Variants in CSMD1 observed in about 807,000 individuals in gnomAD.
The protein encoded by CSMD1 is CUB and Sushi multiple domains 1.
Under a neutral mutation model 417.5 loss-of-function variants are expected in CSMD1, and 213 were observed. The ratio of observed to expected loss-of-function variants is 0.51; its 90% CI spans 0.46 to 0.57. The LOEUF (loss-of-function observed/expected upper bound fraction) is 0.57. Among genes scored for constraint, CSMD1 ranks in the 20% least tolerant of loss-of-function variants. CSMD1 has a pLI of 0.00. For missense variants in CSMD1, 6,923 were observed against 4,529.7 expected (o/e 1.53, Z -15.17); for synonymous variants, 2,862 against 1,736.8 (o/e 1.65, Z -16.11).
chr8:4,518,943 G>C (rs1390577455), intron 2 of CSMD1, among the ~76,000 whole-genome samples: 1 of 152,024 alleles, frequency 6.6e-6, no homozygotes, highest in African/African-American at 2.4e-5. Context: ...CAGCCTAATA[G>C]ACACATTCTC....
At chr8:4,654,543 A>G (rs1041623316) in intron 1 of CSMD1, among the ~76,000 whole-genome samples, 13 of 152,026 alleles carry the variant, frequency 8.6e-5, no homozygotes, top group African/African-American at 3.1e-4. Context: ...GGCACAGTGG[A>G]GTTTAGAGGG....
intron 37 of CSMD1, among the ~76,000 whole-genome samples, chr8:3,166,137 T>A (rs1294613559): frequency 6.6e-6 from 1 of 152,174 alleles, no homozygotes; most frequent in Non-Finnish European, 1.5e-5. Context: ...CTTGAGTCTA[T>A]ACATGTATAC....
chr8:4,852,957 G>A (rs1443490703), intron 1 of CSMD1, among the ~76,000 whole-genome samples: 3 of 152,298 alleles, frequency 2.0e-5, no homozygotes, highest in South Asian at 4.2e-4. Flanking sequence ...AAGCAGCAAT[G>A]CATTCATGAT....
At chr8:3,972,810 A>C (rs1488235891) in intron 5 of CSMD1, among the ~76,000 whole-genome samples, 1 of 152,228 alleles carries the variant, frequency 6.6e-6, no homozygotes, top group African/African-American at 2.4e-5. Context: ...TATGGGAATA[A>C]TTTTGGATAT....
At chr8:4,615,561 G>A (rs1801425857) in intron 2 of CSMD1, among the ~76,000 whole-genome samples, 1 of 152,080 alleles carries the variant, frequency 6.6e-6, no homozygotes, top group East Asian at 1.9e-4. Context: ...GGGCCAATAG[G>A]TTTTCATACT....
At chr8:4,149,881 C>G (rs939285820) in intron 3 of CSMD1, among the ~76,000 whole-genome samples, 2 of 152,146 alleles carry the variant, frequency 1.3e-5, no homozygotes, top group African/African-American at 2.4e-5. Flanking sequence ...TAAGCTGACC[C>G]AGGTCCACTC....
chr8:4,467,620 T>C (rs1314826843), intron 2 of CSMD1, among the ~76,000 whole-genome samples: 1 of 152,228 alleles, frequency 6.6e-6, no homozygotes, highest in East Asian at 1.9e-4. Flanking sequence ...TAACAATTCT[T>C]TTCAGTTTTC....
intron 4 of CSMD1, among the ~76,000 whole-genome samples, chr8:4,020,183 C>T (rs1026075102): frequency 1.3e-5 from 2 of 152,092 alleles, no homozygotes; most frequent in African/African-American, 4.8e-5. Flanking sequence ...CTCAAGTAGG[C>T]ACTTTTATAC....
At chr8:4,387,153 G>A (rs1803507734) in intron 3 of CSMD1, among the ~76,000 whole-genome samples, 1 of 152,168 alleles carries the variant, frequency 6.6e-6, no homozygotes, top group Admixed American at 6.5e-5. Context: ...TCTTAATTTG[G>A]AAAATGAGTT....
At chr8:3,586,408 A>G in intron 8 of CSMD1, 148 bp from the exon 9 acceptor site, 1 of 659,916 alleles carries the variant, frequency 1.5e-6, no homozygotes, top group South Asian at 2.7e-5. Flanking sequence ...TAGTATGTAT[A>G]GAGGCAACCC....
intron 5 of CSMD1, among the ~76,000 whole-genome samples, chr8:3,891,666 A>G (rs1540818): frequency 0.57 from 86,157 of 151,706 alleles, 26,940 homozygotes; most frequent in Admixed American, 0.71. Flanking sequence ...CTAGGTGACA[A>G]AGCAAGACCT....
chr8:4,647,766 T>C (rs1320169582), intron 1 of CSMD1, among the ~76,000 whole-genome samples: 1 of 152,226 alleles, frequency 6.6e-6, no homozygotes, highest in Non-Finnish European at 1.5e-5. Flanking sequence ...TATGGCTGCA[T>C]AGTATTCCAT....
intron 3 of CSMD1, among the ~76,000 whole-genome samples, chr8:4,071,413 GTTTAGATA>G (rs1417562057): frequency 6.6e-6 from 1 of 151,874 alleles, no homozygotes; most frequent in East Asian, 1.9e-4. Context: ...AAAAATTGTA[GTTTAGATA>G]TTTAATTATT....
intron 1 of CSMD1, among the ~76,000 whole-genome samples, chr8:4,941,979 A>G (rs557225905): frequency 6.6e-6 from 1 of 152,226 alleles, no homozygotes; most frequent in African/African-American, 2.4e-5. Flanking sequence ...TGTTGTTTTT[A>G]AAAGTCATTT....
chr8:3,932,669 G>T (rs188196617), intron 5 of CSMD1, among the ~76,000 whole-genome samples: 1 of 150,128 alleles, frequency 6.7e-6, no homozygotes, highest in South Asian at 2.1e-4. Context: ...TCAAAAAGCC[G>T]GTCCAATAAA....
At chr8:3,325,957 T>G (rs1318099998) in intron 23 of CSMD1, among the ~76,000 whole-genome samples, 4 of 152,162 alleles carry the variant, frequency 2.6e-5, no homozygotes, top group Non-Finnish European at 5.9e-5. Flanking sequence ...TTGGCAAAAC[T>G]AAACCTTGCA....
intron 5 of CSMD1, among the ~76,000 whole-genome samples, chr8:3,778,522 C>T (rs543583426): frequency 1.1e-4 from 17 of 152,340 alleles, no homozygotes; most frequent in African/African-American, 1.7e-4. Context: ...TCTACAAGAA[C>T]GCTGCCCGTG....
chr8:4,721,133 G>A (rs1031459327), intron 1 of CSMD1, among the ~76,000 whole-genome samples: 2 of 152,118 alleles, frequency 1.3e-5, no homozygotes, highest in Non-Finnish European at 2.9e-5. Flanking sequence ...ATGCAACTCG[G>A]CAATAAAGTT....
intron 26 of CSMD1, among the ~76,000 whole-genome samples, chr8:3,278,025 T>C (rs775221627): frequency 6.6e-6 from 1 of 152,012 alleles, no homozygotes. Context: ...AATATATGGA[T>C]AGAGAAGAAA....
Sources: gnomAD v4.1 joint callset for allele counts (sites outside exome capture counted in the v4.1 genomes callset) on GRCh38, gnomAD v4.1.1 for gene constraint, MANE v1.5 for transcripts, NCBI Gene and HGNC (gene_info 2026-07-23, HGNC 2026-07-21) for gene names.